TMPRSS15: variants seen among roughly 807,000 people sequenced by gnomAD.
The protein encoded by TMPRSS15 is enteropeptidase.
TMPRSS15 carries 128 observed loss-of-function variants against 125.3 expected under a neutral mutation model. The ratio of observed to expected loss-of-function variants is 1.02; its 90% CI spans 0.89 to 1.18. The LOEUF is 1.18. Ranked by LOEUF, TMPRSS15 falls within the 50% of genes most tolerant of loss-of-function variation. The probability of loss-of-function intolerance (pLI) is 0.00; values close to 1 mark genes in which losing one functional copy is unlikely to be tolerated. For synonymous variants in TMPRSS15, 446 were observed against 423.2 expected (o/e 1.05, Z -0.66); for missense variants, 1,283 against 1,212.7 (o/e 1.06, Z -0.86).
intron 1 of TMPRSS15, among the ~76,000 whole-genome samples, chr21:18,458,796 C>A (rs1441476927): frequency 2.0e-5 from 3 of 152,108 alleles, no homozygotes; most frequent in Non-Finnish European, 1.5e-5. Flanking sequence ...GGTTGGAGAA[C>A]ACATGCAGAC....
intron 1 of TMPRSS15, among the ~76,000 whole-genome samples, chr21:18,475,544 A>T (rs1037372861): frequency 7.2e-5 from 11 of 152,194 alleles, no homozygotes; most frequent in Admixed American, 7.2e-4. Context: ...GTGAGCCATG[A>T]TAGTGCCACT....
intron 1 of TMPRSS15, among the ~76,000 whole-genome samples, chr21:18,420,039 C>T (rs915101577): frequency 1.1e-4 from 17 of 152,134 alleles, no homozygotes; most frequent in Admixed American, 7.9e-4. Context: ...TGTAGCATAC[C>T]GTAGCCTAGC....
At chr21:18,316,495 G>A (rs1336664004) in intron 16 of TMPRSS15, among the ~76,000 whole-genome samples, 3 of 148,558 alleles carry the variant, frequency 2.0e-5, no homozygotes, top group Non-Finnish European at 4.5e-5. Flanking sequence ...GCAGGAAAGG[G>A]TAGTTACAAA....
intron 1 of TMPRSS15, among the ~76,000 whole-genome samples, chr21:18,432,604 G>C (rs1487271512): frequency 6.6e-6 from 1 of 152,194 alleles, no homozygotes; most frequent in Admixed American, 6.5e-5. Context: ...ATGGGAGACA[G>C]AGATTGGAGT....
chr21:18,484,448 T>G (rs1470947146), intron 1 of TMPRSS15, among the ~76,000 whole-genome samples: 1 of 151,840 alleles, frequency 6.6e-6, no homozygotes, highest in Non-Finnish European at 1.5e-5. Context: ...CTATTTCCTT[T>G]TCAAGTATCC....
chr21:18,379,397 A>G (rs2075872112), intron 4 of TMPRSS15, 79 bp from the exon 5 acceptor site: 2 of 607,138 alleles, frequency 3.3e-6, no homozygotes, highest in Non-Finnish European at 5.1e-6. Context: ...TTCATTCTGT[A>G]TAATAATTAA....
At chr21:18,408,900 C>T (rs957920181) in intron 1 of TMPRSS15, among the ~76,000 whole-genome samples, 4 of 151,860 alleles carry the variant, frequency 2.6e-5, no homozygotes, top group African/African-American at 4.8e-5. Context: ...TTGAACTAGT[C>T]CTCCTTTATT....
chr21:18,468,138 T>C (rs994622481), intron 1 of TMPRSS15, among the ~76,000 whole-genome samples: 1 of 152,172 alleles, frequency 6.6e-6, no homozygotes, highest in Non-Finnish European at 1.5e-5. Context: ...TGAGGTCTTA[T>C]GTTTGTTTTT....
chr21:18,382,863 T>G (rs2075905213), intron 4 of TMPRSS15, among the ~76,000 whole-genome samples: 1 of 152,188 alleles, frequency 6.6e-6, no homozygotes, highest in African/African-American at 2.4e-5. Flanking sequence ...AATGGAAAAT[T>G]TGGAACAATC....
Position 18,278,954 on chromosome 21 carries a change from G to GTT in TMPRSS15, c.2764+9_2764+10insAA. 2 of 424,826 alleles carry GTT rather than the reference G, an allele frequency of 4.7e-6. No individual in the cohort carries two copies. The highest frequency in any genetic ancestry group is 4.0e-6 in the Non-Finnish European group (1 of 248,408). The allele number at this position is 424,826 out of a possible 1,614,324, so 26.3% of individuals were successfully genotyped here. On this transcript the variant is annotated intron_variant, in intron 23 of 24. Transcript: ENST00000284885. ...TTTTTTTTTTTTTTTTTTTGAGTCTGATAATTTACCTTGATATACAACCGT... is the reference window on the plus strand; with the variant it reads ...TTTTTTTTTTTTTTTTTTTGAGTCTGTTATAATTTACCTTGATATACAACCGT...
intron 21 of TMPRSS15, among the ~76,000 whole-genome samples, chr21:18,286,687 T>C (rs1412101355): frequency 6.6e-6 from 1 of 152,206 alleles, no homozygotes; most frequent in African/African-American, 2.4e-5. Context: ...TCACGTTTGC[T>C]CCTCCCAGCA....
intron 18 of TMPRSS15, among the ~76,000 whole-genome samples, chr21:18,305,206 TGA>T (rs1225092050): frequency 7.8e-4 from 113 of 145,232 alleles, no homozygotes; most frequent in Non-Finnish European, 1.3e-3. Context: ...TTTTTTTTTT[TGA>T]GACGGAGTCT....
At chr21:18,298,391 A>G (rs2074930412) in intron 18 of TMPRSS15, among the ~76,000 whole-genome samples, 1 of 152,228 alleles carries the variant, frequency 6.6e-6, no homozygotes, top group Non-Finnish European at 1.5e-5. Context: ...AAAGGAAGTC[A>G]TGTGACTGCA....
chr21:18,445,156 A>G (rs979915819), intron 1 of TMPRSS15, among the ~76,000 whole-genome samples: 106 of 151,792 alleles, frequency 7.0e-4, no homozygotes, highest in Non-Finnish European at 1.5e-4. Flanking sequence ...CATTGTATAT[A>G]TATATATACC....
chr21:18,429,249 AG>A, intron 1 of TMPRSS15, among the ~76,000 whole-genome samples: 1 of 152,176 alleles, frequency 6.6e-6, no homozygotes, highest in East Asian at 1.9e-4. Flanking sequence ...ACAGGCTTAT[AG>A]GCAGAAGGGA....
chr21:18,457,091 T>G (rs1325600720), intron 1 of TMPRSS15, among the ~76,000 whole-genome samples: 1 of 152,112 alleles, frequency 6.6e-6, no homozygotes, highest in African/African-American at 2.4e-5. Flanking sequence ...TTGACCTATC[T>G]AAGCCTCAAT....
At chr21:18,443,328 C>G (rs2076247166) in intron 1 of TMPRSS15, among the ~76,000 whole-genome samples, 1 of 152,082 alleles carries the variant, frequency 6.6e-6, no homozygotes, top group Non-Finnish European at 1.5e-5. Flanking sequence ...ACACAGAAAG[C>G]AGGGAAGAGT....
chr21:18,363,344 C>T (rs1481006269), intron 7 of TMPRSS15, among the ~76,000 whole-genome samples: 3 of 151,924 alleles, frequency 2.0e-5, no homozygotes, highest in African/African-American at 4.8e-5. Context: ...AAACTAAAAA[C>T]AATAGGGCCA....
intron 14 of TMPRSS15, 103 bp downstream of exon 14, chr21:18,331,981 T>G: frequency 1.1e-6 from 1 of 928,696 alleles, no homozygotes; most frequent in South Asian, 1.3e-5. Flanking sequence ...ATGATAGGCG[T>G]ACCCATGTTT....
Sources: gnomAD v4.1 joint callset for allele counts (sites outside exome capture counted in the v4.1 genomes callset) on GRCh38, gnomAD v4.1.1 for gene constraint, MANE v1.5 for transcripts, NCBI Gene and HGNC (gene_info 2026-07-23, HGNC 2026-07-21) for gene names.